MACROD2: variants seen among roughly 807,000 people sequenced by gnomAD.
MACROD2 encodes the protein mono-ADP ribosylhydrolase 2, also known as ADP-ribose glycohydrolase MACROD2.
Under a neutral mutation model 70.4 loss-of-function variants are expected in MACROD2, and 36 were observed. That is an observed-to-expected ratio of 0.51 (90% CI 0.39 to 0.68). The LOEUF is 0.68. Among genes scored for constraint, MACROD2 ranks in the 30% least tolerant of loss-of-function variants. MACROD2 has a pLI of 0.00. For synonymous variants in MACROD2, 172 were observed against 178.8 expected, an observed-to-expected ratio of 0.96 and a Z score of 0.30; for missense variants, 496 against 538.4, an observed-to-expected ratio of 0.92 and a Z score of 0.78.
At chr20:15,195,335 T>C (rs1025342681) in intron 5 of MACROD2, among the ~76,000 whole-genome samples, 3 of 152,158 alleles carry the variant, frequency 2.0e-5, no homozygotes, top group African/African-American at 7.2e-5. Flanking sequence ...AATTTATCCA[T>C]ATGACAAAGT....
chr20:16,036,284 C>A (rs1372222038), intron 15 of MACROD2, among the ~76,000 whole-genome samples: 1 of 70,888 alleles, frequency 1.4e-5, no homozygotes, highest in African/African-American at 3.2e-5. Flanking sequence ...AGGACTCCTC[C>A]CCCGGCCAGC....
chr20:14,279,401 A>G (rs1260803469), intron 3 of MACROD2, among the ~76,000 whole-genome samples: 1 of 152,152 alleles, frequency 6.6e-6, no homozygotes, highest in Non-Finnish European at 1.5e-5. Flanking sequence ...CTACTCTGTG[A>G]ATTGCAGTAA....
chr20:15,859,653 C>T (rs1175783689), intron 8 of MACROD2, among the ~76,000 whole-genome samples: 3 of 152,084 alleles, frequency 2.0e-5, no homozygotes, highest in Non-Finnish European at 2.9e-5. Context: ...CTTGGATTCA[C>T]CTTGCTTCCA....
At position 15,047,956 on chromosome 20, in the gene MACROD2, A is replaced by G. The variant is rs541368182; in HGVS notation, c.419-181984A>G. 2.6e-5 allele frequency among the ~76,000 whole-genome samples: 4 copies of G among 152,284 alleles called. No homozygotes were observed. The South Asian group carries it at 8.3e-4, about 32-fold the overall frequency. ...ACCTGTCACTAGACATGAACAAGAA[A>G]AAAGAAATACATAATTTTTTTAAAG... is the stretch of plus-strand genomic sequence containing the variant. On this transcript the variant is annotated intron_variant, in intron 5 of 17. Transcript: ENST00000684519.
At position 15,663,526 on chromosome 20, in the gene MACROD2, G is replaced by A. The variant is rs771405906; in HGVS notation, c.645+163679G>A. Reference sequence around the variant, plus strand: ...ACTGGGAATATAGGCATGAGCCATCGTGCCTCGCCTGAATTTGAATTTTTT... The same window carrying A: ...ACTGGGAATATAGGCATGAGCCATCATGCCTCGCCTGAATTTGAATTTTTT... On this transcript the variant is annotated intron_variant, in intron 8 of 17. Coordinates refer to ENST00000684519, the MANE Select transcript of MACROD2 (RefSeq NM_001351661.2). Among the ~76,000 whole-genome samples, 10 of 151,908 alleles carry A rather than the reference G, an allele frequency of 6.6e-5. No individual in the cohort carries two copies. In the South Asian group the frequency reaches 1.2e-3, roughly 19 times the overall value.
At chr20:14,399,805 T>C (rs1359050360) in intron 3 of MACROD2, among the ~76,000 whole-genome samples, 1 of 152,182 alleles carries the variant, frequency 6.6e-6, no homozygotes, top group Non-Finnish European at 1.5e-5. Context: ...ATAGTTTCTG[T>C]TGTTGTGTTT....
intron 8 of MACROD2, among the ~76,000 whole-genome samples, chr20:15,598,537 G>A (rs1051680282): frequency 2.6e-5 from 4 of 152,136 alleles, no homozygotes; most frequent in South Asian, 2.1e-4. Context: ...CTCTCAGAGC[G>A]TGGTGCTAAT....
intron 5 of MACROD2, among the ~76,000 whole-genome samples, chr20:15,096,210 G>A (rs961129330): frequency 1.3e-5 from 2 of 152,010 alleles, no homozygotes; most frequent in African/African-American, 2.4e-5. Flanking sequence ...GGGCCAAAGA[G>A]TTTGATTTGA....
chr20:14,955,941 AATCCTAG>A (rs2074532726), intron 5 of MACROD2, among the ~76,000 whole-genome samples: 1 of 152,150 alleles, frequency 6.6e-6, no homozygotes, highest in African/African-American at 2.4e-5. Context: ...CCATATTTAG[AATCCTAG>A]ACATTTTATT....
At chr20:14,254,619 A>G (rs1277927844) in intron 3 of MACROD2, among the ~76,000 whole-genome samples, 5 of 152,172 alleles carry the variant, frequency 3.3e-5, no homozygotes, top group Non-Finnish European at 7.3e-5. Context: ...AATACTAAAC[A>G]TTTCCACGAA....
intron 5 of MACROD2, among the ~76,000 whole-genome samples, chr20:14,709,876 G>A (rs1457830469): frequency 6.6e-6 from 1 of 152,116 alleles, no homozygotes; most frequent in Non-Finnish European, 1.5e-5. Flanking sequence ...GTTGAAGTTG[G>A]ATAAATGTAG....
At chr20:14,877,903 A>G (rs1172568122) in intron 5 of MACROD2, among the ~76,000 whole-genome samples, 1 of 152,022 alleles carries the variant, frequency 6.6e-6, no homozygotes, top group Non-Finnish European at 1.5e-5. Context: ...TTTTGTGTCT[A>G]CGTTCATCAG....
At chr20:15,885,395 G>A (rs1014243950) in intron 9 of MACROD2, among the ~76,000 whole-genome samples, 4 of 152,170 alleles carry the variant, frequency 2.6e-5, no homozygotes, top group African/African-American at 9.6e-5. Flanking sequence ...AAGTGAGCAT[G>A]CAGACCTTTA....
chr20:15,823,747 A>G (rs564066266), intron 8 of MACROD2, among the ~76,000 whole-genome samples: 1 of 152,354 alleles, frequency 6.6e-6, no homozygotes, highest in East Asian at 1.9e-4. Context: ...TCAAATGTAC[A>G]TATGGCTGTG....
intron 3 of MACROD2, among the ~76,000 whole-genome samples, chr20:14,109,777 G>A (rs905549421): frequency 2.0e-5 from 3 of 151,718 alleles, no homozygotes; most frequent in Non-Finnish European, 3.0e-5. Context: ...GTAAAGAAAA[G>A]CCTGGGACCC....
chr20:15,718,975 A>G (rs535897237), intron 8 of MACROD2, among the ~76,000 whole-genome samples: 50 of 152,304 alleles, frequency 3.3e-4, no homozygotes, highest in African/African-American at 1.1e-3. Context: ...TCCTTCTTCA[A>G]GCTAGTGTCA....
chr20:14,055,076 G>C (rs1207814932), intron 2 of MACROD2, among the ~76,000 whole-genome samples: 1 of 152,052 alleles, frequency 6.6e-6, no homozygotes, highest in Non-Finnish European at 1.5e-5. Flanking sequence ...TATAAAATTA[G>C]ATTTTGTATT....
At chr20:15,896,709 A>G (rs1678038737) in intron 10 of MACROD2, among the ~76,000 whole-genome samples, 1 of 152,228 alleles carries the variant, frequency 6.6e-6, no homozygotes, top group Admixed American at 6.5e-5. Context: ...AAAATTAAAA[A>G]TCAAACAACT....
chr20:14,990,924 A>G (rs1467311701), intron 5 of MACROD2, among the ~76,000 whole-genome samples: 1 of 152,224 alleles, frequency 6.6e-6, no homozygotes, highest in Non-Finnish European at 1.5e-5. Context: ...AAGAAAAGTT[A>G]TGATATATTA....
Sources: allele counts gnomAD v4.1 joint callset (sites outside exome capture counted in the v4.1 genomes callset), GRCh38; gene constraint gnomAD v4.1.1; transcripts MANE v1.5; gene names NCBI Gene and HGNC (gene_info 2026-07-23, HGNC 2026-07-21).